DEPTOR: variants seen among roughly 807,000 people sequenced by gnomAD.
DEPTOR encodes DEP domain-containing mTOR-interacting protein.
DEPTOR carries 41 observed loss-of-function variants against 41.6 expected under a neutral mutation model. That is an observed-to-expected ratio of 0.98 (90% CI 0.77 to 1.28). DEPTOR has a LOEUF of 1.28. DEPTOR is among the 50% of genes most tolerant of loss of function. DEPTOR has a pLI of 0.00. For missense variants in DEPTOR, 514 were observed against 527.9 expected, an observed-to-expected ratio of 0.97 and a Z score of 0.26; for synonymous variants, 195 against 192.3, an observed-to-expected ratio of 1.01 and a Z score of -0.12.
intron 8 of DEPTOR, among the ~76,000 whole-genome samples, chr8:120,041,584 C>T (rs1400738580): frequency 1.3e-5 from 2 of 152,150 alleles, no homozygotes; most frequent in African/African-American, 4.8e-5. Flanking sequence ...GTTACCCAGG[C>T]TGGAGTGCAG....
intron 4 of DEPTOR, among the ~76,000 whole-genome samples, chr8:119,975,772 G>T (rs1044996179): frequency 4.6e-5 from 7 of 151,938 alleles, no homozygotes; most frequent in African/African-American, 1.5e-4. Flanking sequence ...ACTGAAGCTT[G>T]GTCCAGGGGA....
chr8:119,889,645 GGGAGGA>G (rs1827424258), intron 1 of DEPTOR, among the ~76,000 whole-genome samples: 2 of 103,798 alleles, frequency 1.9e-5, no homozygotes, highest in Non-Finnish European at 4.1e-5. Flanking sequence ...GGGAGGGGAG[GGGAGGA>G]TGGGGAGGGG....
chr8:119,903,560 C>T (rs755982330), intron 1 of DEPTOR, among the ~76,000 whole-genome samples: 1 of 152,144 alleles, frequency 6.6e-6, no homozygotes, highest in Non-Finnish European at 1.5e-5. Context: ...CAGCAATGAT[C>T]TAATCCAGCT....
intron 8 of DEPTOR, among the ~76,000 whole-genome samples, chr8:120,025,104 T>C (rs945250389): frequency 2.6e-5 from 4 of 152,176 alleles, no homozygotes; most frequent in Admixed American, 2.6e-4. Flanking sequence ...AAGACAGATA[T>C]TAATGACATG....
intron 1 of DEPTOR, among the ~76,000 whole-genome samples, chr8:119,923,757 A>C (rs1353225626): frequency 6.6e-6 from 1 of 152,020 alleles, no homozygotes; most frequent in Admixed American, 6.6e-5. Context: ...AAATTGTTTT[A>C]AAATTTTTTA....
intron 1 of DEPTOR, among the ~76,000 whole-genome samples, chr8:119,908,745 T>C (rs1027242426): frequency 6.6e-6 from 1 of 152,182 alleles, no homozygotes; most frequent in Non-Finnish European, 1.5e-5. Context: ...AACAAAGAAA[T>C]TGAGGACTTG....
rs537066290 is a variant in DEPTOR, at chr8:120,011,868, T to A, written c.1101+2735T>A. ...TAGTTTCTTCAGAGGTACACAGTGG[T>A]TTTCTTATGTTATAGAGCTTTACAG... On this transcript the variant is annotated intron_variant, in intron 8 of 8. Transcript: ENST00000286234. Among the ~76,000 whole-genome samples the A allele has an allele frequency of 1.3e-4, 20 of 152,318 alleles. No individual in the cohort carries two copies. The South Asian group carries it at 3.9e-3, about 30-fold the overall frequency.
intron 1 of DEPTOR, among the ~76,000 whole-genome samples, chr8:119,900,627 G>A (rs576666941): frequency 6.6e-6 from 1 of 151,944 alleles, no homozygotes; most frequent in African/African-American, 2.4e-5. Context: ...GGGCTCAAGT[G>A]ATCCTCCTGG....
chr8:120,001,497 C>CA, intron 4 of DEPTOR, 28 bp from the exon 5 acceptor site: 1 of 1,576,070 alleles, frequency 6.3e-7, no homozygotes, highest in Non-Finnish European at 8.6e-7. Context: ...AGATAGTCCT[C>CA]ATTGGTTGTT....
chr8:119,915,209 C>A (rs1827796605), intron 1 of DEPTOR, among the ~76,000 whole-genome samples: 1 of 152,140 alleles, frequency 6.6e-6, no homozygotes, highest in South Asian at 2.1e-4. Context: ...TCGTGATATG[C>A]CTGCCTCAGC....
chr8:119,955,280 A>C (rs1158373425), intron 3 of DEPTOR, among the ~76,000 whole-genome samples: 1 of 152,088 alleles, frequency 6.6e-6, no homozygotes, highest in Non-Finnish European at 1.5e-5. Context: ...AAAGTTTTTA[A>C]TTTTGAAATA....
intron 4 of DEPTOR, among the ~76,000 whole-genome samples, chr8:119,978,161 G>T (rs1828719953): frequency 6.6e-6 from 1 of 152,112 alleles, no homozygotes; most frequent in Non-Finnish European, 1.5e-5. Context: ...TCCTCACTTT[G>T]CCCAAGCATG....
chr8:119,967,981 C>T (rs1828584778), intron 4 of DEPTOR, among the ~76,000 whole-genome samples: 1 of 152,098 alleles, frequency 6.6e-6, no homozygotes, highest in African/African-American at 2.4e-5. Flanking sequence ...AGTTCTGCCA[C>T]AGTTGGACTC....
At chr8:119,948,902 C>T (rs964256687) in intron 3 of DEPTOR, among the ~76,000 whole-genome samples, 1 of 152,048 alleles carries the variant, frequency 6.6e-6, no homozygotes, top group African/African-American at 2.4e-5. Context: ...ATTCTCCTGC[C>T]CCAGCCTCCC....
intron 4 of DEPTOR, among the ~76,000 whole-genome samples, chr8:119,972,622 CAAAAAAAAAAAA>C (rs59750717): frequency 6.8e-4 from 94 of 138,264 alleles, no homozygotes; most frequent in African/African-American, 7.2e-4. Flanking sequence ...GACTCTGTCT[CAAAAAAAAAAAA>C]AAAAAAAAAA....
chr8:120,036,128 A>C (rs1812975489), intron 8 of DEPTOR, among the ~76,000 whole-genome samples: 1 of 152,132 alleles, frequency 6.6e-6, no homozygotes, highest in Admixed American at 6.5e-5. Flanking sequence ...TGATTGACCC[A>C]TTTGCTGAGC....
At chr8:119,938,205 T>C (rs1028695253) in intron 3 of DEPTOR, among the ~76,000 whole-genome samples, 5 of 152,236 alleles carry the variant, frequency 3.3e-5, no homozygotes, top group African/African-American at 1.2e-4. Context: ...ACCAATCCTC[T>C]TATTTCTTTA....
chr8:119,960,391 G>T (rs1828475485), intron 3 of DEPTOR, among the ~76,000 whole-genome samples: 1 of 152,166 alleles, frequency 6.6e-6, no homozygotes. Context: ...GAAGGTACAT[G>T]ACTAGTTTGT....
At chr8:119,945,464 C>A (rs1057193159) in intron 3 of DEPTOR, among the ~76,000 whole-genome samples, 11 of 152,146 alleles carry the variant, frequency 7.2e-5, no homozygotes, top group African/African-American at 2.7e-4. Flanking sequence ...AAAATATTTT[C>A]ATCACCAATT....
Sources: allele counts gnomAD v4.1 joint callset (sites outside exome capture counted in the v4.1 genomes callset), GRCh38; gene constraint gnomAD v4.1.1; transcripts MANE v1.5; gene names NCBI Gene and HGNC (gene_info 2026-07-23, HGNC 2026-07-21).